Variants in ARFGEF1 observed in about 807,000 individuals in gnomAD.
ARFGEF1 encodes the protein ARF guanine nucleotide exchange factor 1.
Under a neutral mutation model 231.0 loss-of-function variants are expected in ARFGEF1, and 42 were observed. The observed-to-expected ratio is 0.18, with a 90% CI of 0.14 to 0.24. ARFGEF1 has a LOEUF of 0.24. Ranked by LOEUF, ARFGEF1 falls within the 10% of genes least tolerant of loss-of-function variation. The pLI is 1.00. For missense variants in ARFGEF1, 1,345 were observed against 2,192.0 expected (o/e 0.61, Z 7.72); for synonymous variants, 710 against 732.3 (o/e 0.97, Z 0.49).
rs1839197472 is a variant in ARFGEF1 at position 67,222,184 on chromosome 8, T to TATATATATATATATATATATACAC, written c.4209-2648_4209-2625dup. On this transcript the variant is annotated intron_variant, in intron 29 of 38. Coordinates refer to ENST00000262215, the MANE Select transcript of ARFGEF1 (RefSeq NM_006421.5). ...CCATGCATATATATATATATACACA[T>TATATATATATATATATATATACAC]ATATATATATATATATATATACACA... Among the ~76,000 whole-genome samples the TATATATATATATATATATATACAC allele has an allele frequency of 1.2e-4, 8 of 65,684 alleles. No homozygotes were observed. The South Asian group carries it at 2.6e-3, about 21-fold the overall frequency. 43.1% of individuals were successfully genotyped at this position (65,684 alleles called of 152,430 possible). A position where few individuals can be genotyped will look rare whatever the true frequency, so the allele number is the denominator to read the frequency against.
intron 5 of ARFGEF1, among the ~76,000 whole-genome samples, chr8:67,191,300 C>CT (rs1372868196): frequency 6.6e-6 from 1 of 152,174 alleles, no homozygotes; most frequent in African/African-American, 2.4e-5. Flanking sequence ...TTCTTAAACT[C>CT]TGTGTGTGTT....
chr8:67,258,103 T>A lies in ARFGEF1; in HGVS notation c.2423A>T (p.Tyr808Phe), dbSNP rs1404916182. 1 of 1,613,560 alleles carries A rather than the reference T, an allele frequency of 6.2e-7. No homozygotes were observed. The highest frequency in any genetic ancestry group is 1.1e-5 in the South Asian group (1 of 91,076). ...TATTTACCCTTGGTTGCATTCTAGG[T>A]ATCTTGCAGCAAATTTTTCCATTAA... ...DRLMEKFAAR[Y>F]LECNQGQTLF... Residue 808 changes from tyrosine to phenylalanine, a missense_variant, in exon 16 of 39, where the codon TAC (tyrosine) becomes TTC (phenylalanine). This residue lies in a region of ARFGEF1 where 58 missense variants were observed against 133.6 expected (regional missense o/e 0.43). Coordinates refer to ENST00000262215, the MANE Select transcript of ARFGEF1 (RefSeq NM_006421.5).
intron 8 of ARFGEF1, among the ~76,000 whole-genome samples, chr8:67,276,611 C>T (rs926486986): frequency 2.0e-5 from 3 of 152,066 alleles, no homozygotes; most frequent in Non-Finnish European, 2.9e-5. Context: ...CTTTTACACA[C>T]AAAATATAGG....
intron 20 of ARFGEF1, among the ~76,000 whole-genome samples, chr8:67,239,614 T>A (rs919142621): frequency 2.0e-5 from 3 of 152,216 alleles, no homozygotes; most frequent in African/African-American, 7.2e-5. Context: ...TTTGCTCATT[T>A]TCTCCACAGC....
intron 29 of ARFGEF1, among the ~76,000 whole-genome samples, chr8:67,223,217 T>C (rs1839261091): frequency 6.6e-6 from 1 of 152,192 alleles, no homozygotes; most frequent in South Asian, 2.1e-4. Context: ...GCACTATTTG[T>C]TGTTGTTAAA....
intron 6 of ARFGEF1, 24 bp from the exon 7 acceptor site, chr8:67,288,089 A>G: frequency 2.0e-6 from 3 of 1,494,192 alleles, no homozygotes; most frequent in Non-Finnish European, 2.7e-6. Context: ...AAAATTCAAC[A>G]GAACATTATT....
At chr8:67,288,616 C>T (rs1563891459) in intron 6 of ARFGEF1, among the ~76,000 whole-genome samples, 1 of 152,052 alleles carries the variant, frequency 6.6e-6, no homozygotes, top group African/African-American at 2.4e-5. Context: ...GCCTGTAATC[C>T]CAGCTACTCG....
At chr8:67,289,569 A>AG (rs1805914731) in intron 6 of ARFGEF1, among the ~76,000 whole-genome samples, 2 of 148,668 alleles carry the variant, frequency 1.3e-5, no homozygotes, top group Non-Finnish European at 3.0e-5. Flanking sequence ...AAAAAAAAAA[A>AG]AAAAAAAGGA....
intron 1 of ARFGEF1, among the ~76,000 whole-genome samples, chr8:67,327,465 C>G (rs1280450664): frequency 6.6e-6 from 1 of 151,946 alleles, no homozygotes; most frequent in Non-Finnish European, 1.5e-5. Flanking sequence ...TTACAGGCAC[C>G]TGCCACCACA....
chr8:67,264,449 A>C (rs2128892765), intron 14 of ARFGEF1, among the ~76,000 whole-genome samples: 1 of 152,226 alleles, frequency 6.6e-6, no homozygotes, highest in Non-Finnish European at 1.5e-5. Context: ...TACTACCATA[A>C]ATAAGAAATA....
At chr8:67,271,597 A>T in intron 10 of ARFGEF1, 105 bp downstream of exon 10, 1 of 854,614 alleles carries the variant, frequency 1.2e-6, no homozygotes. Flanking sequence ...GGCAATATAC[A>T]AATATTATTT....
rs78971178 is a variant in ARFGEF1 at position 67,176,553 on chromosome 8, G to A, written c.561-981C>T. ...CAGTAGGTATATCATCTGGAGAGAG[G>A]AGAGAAGCAAGTGCATTCTTCAACC... On this transcript the variant is annotated intron_variant, in intron 5 of 5. Transcript: ENST00000518789. Among the ~76,000 whole-genome samples, 1,247 of 152,290 alleles carry A rather than the reference G, an allele frequency of 8.2e-3. 17 individuals are homozygous for A. Among genetic ancestry groups the A allele is most frequent in the African/African-American group, 0.029 (1,184 of 41,538 alleles).
At position 67,221,091 on chromosome 8, in the gene ARFGEF1, C is replaced by T. The variant is rs192049167; in HGVS notation, c.4209-1531G>A. Among the ~76,000 whole-genome samples the T allele has an allele frequency of 3.1e-3, 470 of 152,224 alleles. 13 individuals carry two copies. The highest frequency in any genetic ancestry group is 0.027 in the Admixed American group (419 of 15,288). The stretch of plus-strand genomic sequence containing the variant: ...GAGGCTTTCACTGATTGTAGGGCAA[C>T]ACTTTACTCACATGTTTATGGTGAT... On this transcript the variant is annotated intron_variant, in intron 29 of 38. Transcript: ENST00000262215.
intron 14 of ARFGEF1, among the ~76,000 whole-genome samples, chr8:67,261,642 A>G (rs1388572547): frequency 6.6e-6 from 1 of 152,152 alleles, no homozygotes; most frequent in Non-Finnish European, 1.5e-5. Flanking sequence ...CTGCTAACAC[A>G]ATATCCATTC....
At chr8:67,188,176 TA>T (rs769473914) in intron 5 of ARFGEF1, among the ~76,000 whole-genome samples, 115 of 152,300 alleles carry the variant, frequency 7.6e-4, no homozygotes, top group Non-Finnish European at 1.1e-3. Context: ...AAAGAAATCT[TA>T]AAACTCAACA....
intron 5 of ARFGEF1, among the ~76,000 whole-genome samples, chr8:67,186,751 CAT>C (rs961956024): frequency 8.5e-5 from 13 of 152,266 alleles, no homozygotes; most frequent in African/African-American, 2.9e-4. Context: ...TCACAGATGA[CAT>C]GATTGTCTAT....
chr8:67,326,022 A>T (rs1807816126), intron 1 of ARFGEF1, among the ~76,000 whole-genome samples: 1 of 152,110 alleles, frequency 6.6e-6, no homozygotes, highest in Non-Finnish European at 1.5e-5. Flanking sequence ...AACATGGTAA[A>T]ACCCCTTCTC....
chr8:67,261,797 C>T (rs996218505), intron 14 of ARFGEF1, among the ~76,000 whole-genome samples: 5 of 151,716 alleles, frequency 3.3e-5, no homozygotes, highest in Non-Finnish European at 5.9e-5. Flanking sequence ...AGCCACCGTG[C>T]CCTTTCCTCA....
chr8:67,278,666 T>C (rs1341997977), intron 7 of ARFGEF1, among the ~76,000 whole-genome samples: 7 of 151,954 alleles, frequency 4.6e-5, no homozygotes, highest in Non-Finnish European at 1.0e-4. Context: ...GCCAACATGG[T>C]GAAACCTCGT....
Sources: allele counts gnomAD v4.1 joint callset (sites outside exome capture counted in the v4.1 genomes callset), GRCh38; gene constraint gnomAD v4.1.1; regional missense constraint gnomAD v4.1.1; transcripts MANE v1.5; gene names NCBI Gene and HGNC (gene_info 2026-07-23, HGNC 2026-07-21).